SLC8A1: variants seen among roughly 807,000 people sequenced by gnomAD.
SLC8A1 encodes solute carrier family 8 member A1.
A neutral mutation model predicts 68.3 loss-of-function variants in SLC8A1; 18 were observed. That is an observed-to-expected ratio of 0.26 (90% CI 0.18 to 0.39). The LOEUF is 0.39. Among genes scored for constraint, SLC8A1 ranks in the 10% least tolerant of loss-of-function variants. SLC8A1 has a pLI of 1.00. For synonymous variants in SLC8A1, 475 were observed against 415.5 expected (o/e 1.14, Z -1.74); for missense variants, 985 against 1,156.7 (o/e 0.85, Z 2.15).
At chr2:40,334,672 A>G (rs1559288695) in intron 2 of SLC8A1, among the ~76,000 whole-genome samples, 2 of 152,286 alleles carry the variant, frequency 1.3e-5, no homozygotes, top group South Asian at 4.2e-4. Flanking sequence ...AATATGAATA[A>G]CCAAAGTTGA....
intron 2 of SLC8A1, among the ~76,000 whole-genome samples, chr2:40,404,130 A>T (rs1421503047): frequency 2.0e-5 from 3 of 152,118 alleles, no homozygotes; most frequent in Non-Finnish European, 4.4e-5. Flanking sequence ...TTCTGGGCTC[A>T]AGTGATCCTC....
chr2:40,238,280 C>G (rs373211164), intron 2 of SLC8A1, among the ~76,000 whole-genome samples: 4 of 152,166 alleles, frequency 2.6e-5, no homozygotes, highest in Non-Finnish European at 4.4e-5. Flanking sequence ...AGGACCCTCC[C>G]AGCCAGGTGC....
chr2:40,248,178 C>T lies in SLC8A1; in HGVS notation c.1809-70323G>A, dbSNP rs1434511173. ...TGTTAAGAGGCCTGAATGTTCTCAA[C>T]TATGGATTAAAAATAAAGTACCAAT... On this transcript the variant is annotated intron_variant, in intron 2 of 7. Coordinates refer to ENST00000406785, the Ensembl canonical transcript of SLC8A1. 2.0e-5 allele frequency among the ~76,000 whole-genome samples: 3 copies of T among 152,186 alleles called. No homozygotes were observed. In the East Asian group the frequency reaches 5.8e-4, roughly 29 times the overall value.
In SLC8A1 at chr2:40,102,986, C is replaced by T. The variant is rs531779873; in HGVS notation, c.*12267G>A. Reference sequence around the variant, plus strand: ...CAGAAATATTAGCTATTTTAATTTTCTTTCTCAATATTGAGTCTCACAAGA... The same window carrying T: ...CAGAAATATTAGCTATTTTAATTTTTTTTCTCAATATTGAGTCTCACAAGA... On this transcript the variant is annotated 3_prime_UTR_variant, in exon 8 of 8. Transcript: ENST00000406785. The T allele has an allele frequency of 2.0e-5, 3 of 152,226 alleles. No homozygotes were observed. The South Asian group carries it at 6.2e-4, about 32-fold the overall frequency. The allele number at this position is 152,226 out of a possible 1,614,324, so 9.4% of individuals were successfully genotyped here.
chr2:40,393,464 TG>T (rs781664816), intron 2 of SLC8A1, among the ~76,000 whole-genome samples: 1 of 152,194 alleles, frequency 6.6e-6, no homozygotes, highest in Non-Finnish European at 1.5e-5. Flanking sequence ...AATGATTTTC[TG>T]TCATCCCTTA....
At position 40,266,004 on chromosome 2, in the gene SLC8A1, A is replaced by T. The variant is rs1351516715; in HGVS notation, c.1809-88149T>A. On this transcript the variant is annotated intron_variant, in intron 2 of 7. Transcript: ENST00000406785. ...CCACATTAATTTCCCAAGGGGAGCC[A>T]CTCTTCTATCAAATCATACTAACTC... Among the ~76,000 whole-genome samples the T allele has an allele frequency of 2.0e-5, 3 of 152,178 alleles. No individual in the cohort carries two copies. The East Asian group carries it at 5.8e-4, about 29-fold the overall frequency.
chr2:40,211,822 C>T (rs1360523846), intron 2 of SLC8A1, among the ~76,000 whole-genome samples: 2 of 152,032 alleles, frequency 1.3e-5, no homozygotes, highest in Non-Finnish European at 2.9e-5. Flanking sequence ...ATACAGAATC[C>T]GGATCACTTT....
chr2:40,507,607 C>T (rs1409136126), intron 1 of SLC8A1, among the ~76,000 whole-genome samples: 1 of 151,974 alleles, frequency 6.6e-6, no homozygotes, highest in East Asian at 1.9e-4. Flanking sequence ...GACTGTGGAG[C>T]AGTGTAGAAC....
At chr2:40,146,314 C>T (rs571503970) in intron 6 of SLC8A1, among the ~76,000 whole-genome samples, 11 of 152,170 alleles carry the variant, frequency 7.2e-5, no homozygotes, top group African/African-American at 2.4e-4. Flanking sequence ...CGAATGGTTA[C>T]TTGTGCCACT....
chr2:40,209,416 G>A (rs1022226704), intron 2 of SLC8A1, among the ~76,000 whole-genome samples: 1 of 152,152 alleles, frequency 6.6e-6, no homozygotes, highest in African/African-American at 2.4e-5. Context: ...GAGGAAAGGT[G>A]AGAGTTAAGA....
chr2:40,451,819 G>T (rs1288162267), intron 1 of SLC8A1, 85 bp downstream of exon 1: 1 of 155,216 alleles, frequency 6.4e-6, no homozygotes, highest in Non-Finnish European at 1.4e-5. Flanking sequence ...AAAGCAGAGG[G>T]AAGTGTAGCC....
rs1010366375 is a variant in SLC8A1, at chr2:40,413,969, A to G, written c.1808+14504T>C. On this transcript the variant is annotated intron_variant, in intron 2 of 7. Coordinates refer to ENST00000406785, the Ensembl canonical transcript of SLC8A1. Reference sequence around the variant, plus strand: ...AACAGTTAAGAAAATTAATTTGTTGAGCATCATATTTTATACTAATTAAAA... The same window carrying G: ...AACAGTTAAGAAAATTAATTTGTTGGGCATCATATTTTATACTAATTAAAA... Among the ~76,000 whole-genome samples, 2 of 152,218 alleles carry G rather than the reference A, an allele frequency of 1.3e-5. 1 individual carries two copies. Among genetic ancestry groups the G allele is most frequent in the Non-Finnish European group, 2.9e-5 (2 of 68,028 alleles).
chr2:40,366,165 C>T (rs1413187867), intron 2 of SLC8A1, among the ~76,000 whole-genome samples: 1 of 152,008 alleles, frequency 6.6e-6, no homozygotes, highest in East Asian at 1.9e-4. Context: ...GCACCCACCT[C>T]ATAAGGGCAC....
rs2056692412 is a variant in SLC8A1 at position 40,212,150 on chromosome 2, G to A, written c.1809-34295C>T. On this transcript the variant is annotated intron_variant, in intron 2 of 7. Transcript: ENST00000406785. ...AAGAGGAGGAAAAGGATTTCAATAT[G>A]GCCCAGAGAGAGAGACAGAGAAAGA... Among the ~76,000 whole-genome samples, 4 of 152,158 alleles carry A rather than the reference G, an allele frequency of 2.6e-5. No homozygotes were observed. The South Asian group carries it at 8.3e-4, about 32-fold the overall frequency.
chr2:40,128,924 TAG>T (rs897029213), intron 7 of SLC8A1, among the ~76,000 whole-genome samples: 17 of 152,160 alleles, frequency 1.1e-4, no homozygotes, highest in African/African-American at 4.1e-4. Context: ...TTGTGAAAAA[TAG>T]AGAAAAGTCA....
intron 2 of SLC8A1, among the ~76,000 whole-genome samples, chr2:40,363,634 C>A (rs181230896): frequency 8.1e-4 from 123 of 152,256 alleles, no homozygotes; most frequent in African/African-American, 2.9e-3. Flanking sequence ...ATACCACAGA[C>A]AATATGTTTC....
chr2:40,337,847 T>A (rs1666476294), intron 2 of SLC8A1, among the ~76,000 whole-genome samples: 1 of 152,186 alleles, frequency 6.6e-6, no homozygotes, highest in Non-Finnish European at 1.5e-5. Flanking sequence ...TGATTCTTCT[T>A]TTTCACTGTC....
At chr2:40,361,887 CTTTTTTTT>C (rs1172909749) in intron 2 of SLC8A1, among the ~76,000 whole-genome samples, 321 of 53,070 alleles carry the variant, frequency 6.0e-3, no homozygotes, top group Non-Finnish European at 7.7e-3. Flanking sequence ...CTTTTCTTTC[CTTTTTTTT>C]TTTTTTTTTT....
At chr2:40,385,058 A>G (rs777609747) in intron 2 of SLC8A1, among the ~76,000 whole-genome samples, 20 of 152,112 alleles carry the variant, frequency 1.3e-4, no homozygotes, top group Admixed American at 4.6e-4. Flanking sequence ...CATAAATGAC[A>G]TGCCACTATT....
Sources: allele counts gnomAD v4.1 joint callset (sites outside exome capture counted in the v4.1 genomes callset), GRCh38; gene constraint gnomAD v4.1.1; transcripts MANE v1.5; gene names NCBI Gene and HGNC (gene_info 2026-07-23, HGNC 2026-07-21).